NELL1: variants seen among roughly 807,000 people sequenced by gnomAD.
The protein encoded by NELL1 is neural EGFL like 1.
NELL1 carries 76 observed loss-of-function variants against 107.4 expected under a neutral mutation model. The observed-to-expected ratio is 0.71, with a 90% CI of 0.59 to 0.86. NELL1 has a LOEUF of 0.86. Among genes scored for constraint, NELL1 ranks in the 40% least tolerant of loss-of-function variants. The probability of loss-of-function intolerance (pLI) is 0.00; values close to 1 mark genes in which losing one functional copy is unlikely to be tolerated. For synonymous variants in NELL1, 353 were observed against 341.2 expected (o/e 1.03, Z -0.38); for missense variants, 1,024 against 1,005.5 (o/e 1.02, Z -0.25).
At chr11:21,022,918 G>C (rs1852733558) in intron 12 of NELL1, among the ~76,000 whole-genome samples, 1 of 151,988 alleles carries the variant, frequency 6.6e-6, no homozygotes. Context: ...ATATTAAAGG[G>C]AAACAGGCAG....
intron 12 of NELL1, among the ~76,000 whole-genome samples, chr11:20,961,802 T>C (rs114593953): frequency 0.012 from 1,843 of 152,168 alleles, 31 homozygotes; most frequent in African/African-American, 0.041. Context: ...TGTGTGTAGA[T>C]TTGGGTATAC....
chr11:21,512,047 C>T (rs750074876), intron 15 of NELL1, among the ~76,000 whole-genome samples: 5 of 152,144 alleles, frequency 3.3e-5, no homozygotes, highest in South Asian at 4.1e-4. Flanking sequence ...CACCTGGTGG[C>T]GATGGTCCTC....
At chr11:20,762,253 G>A (rs759576590) in intron 2 of NELL1, among the ~76,000 whole-genome samples, 6 of 152,198 alleles carry the variant, frequency 3.9e-5, no homozygotes, top group Admixed American at 3.9e-4. Context: ...GGGGTATTGC[G>A]AGGGAGACAG....
At chr11:20,844,993 G>C (rs1192768059) in intron 3 of NELL1, among the ~76,000 whole-genome samples, 1 of 152,160 alleles carries the variant, frequency 6.6e-6, no homozygotes, top group East Asian at 1.9e-4. Context: ...TTACTGCCTG[G>C]AAATATTGCC....
chr11:21,286,840 A>T (rs903769148), intron 14 of NELL1, among the ~76,000 whole-genome samples: 4 of 152,218 alleles, frequency 2.6e-5, no homozygotes, highest in Non-Finnish European at 4.4e-5. Context: ...AGTCTGTAAC[A>T]TAATGGCTGG....
At chr11:21,067,411 C>G (rs146821921) in intron 12 of NELL1, among the ~76,000 whole-genome samples, 195 of 152,108 alleles carry the variant, frequency 1.3e-3, no homozygotes, top group African/African-American at 4.4e-3. Flanking sequence ...ATCTCACTGG[C>G]CCAGTCTGGG....
intron 9 of NELL1, among the ~76,000 whole-genome samples, chr11:20,936,570 G>A (rs1408995285): frequency 2.6e-5 from 4 of 152,126 alleles, no homozygotes; most frequent in African/African-American, 9.7e-5. Context: ...ACATCGAAGG[G>A]GGTCTAGGTT....
chr11:21,154,999 A>C (rs551901844), intron 13 of NELL1, among the ~76,000 whole-genome samples: 14 of 152,298 alleles, frequency 9.2e-5, no homozygotes, highest in African/African-American at 3.4e-4. Context: ...AGGCGCAGAA[A>C]ACTCACATGA....
At chr11:21,059,872 G>T (rs1853698624) in intron 12 of NELL1, among the ~76,000 whole-genome samples, 1 of 152,102 alleles carries the variant, frequency 6.6e-6, no homozygotes. Context: ...TGTGATTATG[G>T]TTGTGCATAA....
chr11:20,995,998 C>A (rs1852083290), intron 12 of NELL1, among the ~76,000 whole-genome samples: 1 of 152,164 alleles, frequency 6.6e-6, no homozygotes, highest in Non-Finnish European at 1.5e-5. Context: ...GCTCATTCTA[C>A]AGGGGTTTAT....
At chr11:20,791,789 C>G (rs1274565919) in intron 3 of NELL1, among the ~76,000 whole-genome samples, 3 of 125,462 alleles carry the variant, frequency 2.4e-5, no homozygotes, top group Non-Finnish European at 4.9e-5. Flanking sequence ...AAGTCTCTTT[C>G]TATTCCTAGT....
At chr11:21,113,038 G>A (rs957059250) in intron 12 of NELL1, among the ~76,000 whole-genome samples, 5 of 152,084 alleles carry the variant, frequency 3.3e-5, no homozygotes, top group African/African-American at 1.2e-4. Flanking sequence ...ATGGGGAGGA[G>A]CTCCAGGTCA....
chr11:21,304,568 G>GT (rs58966638), intron 14 of NELL1, among the ~76,000 whole-genome samples: 394 of 132,684 alleles, frequency 3.0e-3, no homozygotes, highest in African/African-American at 7.9e-3. Flanking sequence ...TCTTTTGTCT[G>GT]TTTTTTTTTT....
intron 14 of NELL1, among the ~76,000 whole-genome samples, chr11:21,301,823 A>G (rs749645399): frequency 1.3e-5 from 2 of 152,028 alleles, no homozygotes; most frequent in South Asian, 2.1e-4. Flanking sequence ...ATTATTTCTA[A>G]TGCTCACAAT....
intron 2 of NELL1, among the ~76,000 whole-genome samples, chr11:20,755,559 T>TTTTTATTTATTTATTTA (rs1337491294): frequency 1.1e-4 from 2 of 17,668 alleles, no homozygotes; most frequent in Non-Finnish European, 4.3e-4. Context: ...TGTTTTTGTT[T>TTTTTATTTATTTATTTA]TTGTTTTTTT....
chr11:21,181,317 C>T lies in NELL1; in HGVS notation c.1427-48015C>T, dbSNP rs61880836. ...GAAAACCGCTACTCATGGTGAAAAT[C>T]GCTATTACTTTTGCACCAACCTATA... On this transcript the variant is annotated intron_variant, in intron 13 of 19. Transcript: ENST00000357134. Among the ~76,000 whole-genome samples, 8 of 151,902 alleles carry T rather than the reference C, an allele frequency of 5.3e-5. No individual in the cohort carries two copies. The East Asian group carries it at 5.8e-4, about 11-fold the overall frequency.
At chr11:21,231,598 C>T (rs555994986) in intron 14 of NELL1, among the ~76,000 whole-genome samples, 59 of 152,222 alleles carry the variant, frequency 3.9e-4, no homozygotes, top group African/African-American at 1.4e-3. Flanking sequence ...TATGTTACCT[C>T]ATAAAATAAT....
At chr11:20,758,673 C>G (rs1310878019) in intron 2 of NELL1, among the ~76,000 whole-genome samples, 2 of 152,146 alleles carry the variant, frequency 1.3e-5, no homozygotes, top group Non-Finnish European at 1.5e-5. Context: ...TGGTACTTGA[C>G]ATTTGAGGCT....
intron 14 of NELL1, among the ~76,000 whole-genome samples, chr11:21,339,301 C>T (rs1391540197): frequency 6.6e-6 from 1 of 152,184 alleles, no homozygotes; most frequent in African/African-American, 2.4e-5. Context: ...TGGAGTTACA[C>T]AACTGAAAGC....
Sources: allele counts gnomAD v4.1 joint callset (sites outside exome capture counted in the v4.1 genomes callset), GRCh38; gene constraint gnomAD v4.1.1; transcripts MANE v1.5; gene names NCBI Gene and HGNC (gene_info 2026-07-23, HGNC 2026-07-21).